The following LIMK1 variants were observed in gnomAD, a reference collection of about 807,000 sequenced individuals.
LIMK1 encodes LIM motif-containing protein kinase.
Under a neutral mutation model 77.6 loss-of-function variants are expected in LIMK1, and 21 were observed. That is an observed-to-expected ratio of 0.27 (90% CI 0.19 to 0.39). LIMK1 has a LOEUF of 0.39. Ranked by LOEUF, LIMK1 falls within the 10% of genes least tolerant of loss-of-function variation. The pLI is 1.00. For synonymous variants in LIMK1, 358 were observed against 370.0 expected (o/e 0.97, Z 0.37); for missense variants, 696 against 901.6 (o/e 0.77, Z 2.92).
Position 74,096,664 on chromosome 7 carries a change from G to A in LIMK1, c.195G>A (p.Glu65=). 6.2e-7 allele frequency: 1 copy of A among 1,614,130 alleles called. No homozygotes were observed. Among genetic ancestry groups the A allele is most frequent in the Non-Finnish European group, 8.5e-7 (1 of 1,180,042 alleles). The change falls in exon 3 of 16, where the codon GAG becomes GAA. Residue 65 remains glutamate (E), a synonymous_variant. Transcript: ENST00000336180. ...CSASLSHQYY[E]KDGQLFCKKD... is the part of the protein sequence containing the mutation. ...CCTCCCTGTCGCACCAGTACTATGA[G>A]AAGGATGGGCAGCTCTTCTGCAAGA... is the stretch of plus-strand genomic sequence containing the variant.
At chr7:74,101,879 C>T (rs1450439896) in intron 5 of LIMK1, among the ~76,000 whole-genome samples, 2 of 151,988 alleles carry the variant, frequency 1.3e-5, no homozygotes, top group African/African-American at 4.8e-5. Flanking sequence ...GGCTGGAGTG[C>T]AGTGGCACAA....
Position 74,086,542 on chromosome 7 carries a change from GTAAAGAC to G in LIMK1, c.152+699_152+705del, listed in dbSNP as rs1289395128. ...GCTCAGCTAATTTTTTAAATTTTGT[GTAAAGAC>G]AGGGTCTCACTATTGAGACCCAGGC... is the stretch of plus-strand genomic sequence containing the variant. On this transcript the variant is annotated intron_variant, in intron 2 of 15. Coordinates refer to ENST00000336180, the MANE Select transcript of LIMK1 (RefSeq NM_002314.4). Among the ~76,000 whole-genome samples the G allele has an allele frequency of 2.6e-5, 4 of 151,992 alleles. No individual in the cohort carries two copies. In the East Asian group the frequency reaches 7.7e-4, roughly 29 times the overall value.
chr7:74,115,963 G>A lies in LIMK1; in HGVS notation c.1567+5G>A, dbSNP rs1799800500. On this transcript the variant is annotated splice_donor_5th_base_variant and intron_variant, in intron 13 of 15. Transcript: ENST00000336180. ...TGGCACCTGAGATGATCAACGGTGA[G>A]TGGTTCAGCCCTGCCCATCATGGCC... is the stretch of plus-strand genomic sequence containing the variant. The A allele has an allele frequency of 1.2e-6, 2 of 1,613,430 alleles. No individual in the cohort carries two copies. The highest frequency in any genetic ancestry group is 1.6e-4 in the Middle Eastern group (1 of 6,080).
intron 4 of LIMK1, among the ~76,000 whole-genome samples, chr7:74,098,303 C>G (rs899951316): frequency 6.6e-5 from 10 of 152,174 alleles, no homozygotes; most frequent in Admixed American, 3.3e-4. Context: ...TAGAGTCTCC[C>G]TCCCAGGAAT....
In LIMK1 at chr7:74,100,579, G is replaced by A. The variant is rs560271005; in HGVS notation, c.608+1341G>A. Among the ~76,000 whole-genome samples the A allele has an allele frequency of 7.9e-5, 12 of 151,590 alleles. No individual in the cohort carries two copies. The South Asian group carries it at 2.1e-3, about 26-fold the overall frequency. ...CTGGGACTACAGGTGACCACATGTG[G>A]CTAATTTTTGTATTTTTAGTAAAGA... On this transcript the variant is annotated intron_variant, in intron 5 of 15. Transcript: ENST00000336180.
intron 12 of LIMK1, 128 bp downstream of exon 12, chr7:74,112,126 G>A: frequency 4.0e-6 from 3 of 755,576 alleles, no homozygotes; most frequent in Middle Eastern, 2.4e-4. Context: ...TTGAGGTGGG[G>A]GTGGGGGGCA....
rs782768296 is a variant in LIMK1, at chr7:74,097,197, C to T, written c.401+8C>T. 3 of 1,578,844 alleles carry T rather than the reference C, an allele frequency of 1.9e-6. No homozygotes were observed. The highest frequency in any genetic ancestry group is 2.7e-5 in the African/African-American group (2 of 74,000). ...GCACTCCAAGCTGTACTGGTGAGTG[C>T]CTTGGCCCCTCCCTGAGCCTAGGAG... On this transcript the variant is annotated splice_region_variant and intron_variant, in intron 4 of 15. Coordinates refer to ENST00000336180, the MANE Select transcript of LIMK1 (RefSeq NM_002314.4).
Position 74,106,997 on chromosome 7 carries a change from G to A in LIMK1, c.882-13G>A. 3 of 1,562,890 alleles carry A rather than the reference G, an allele frequency of 1.9e-6. No homozygotes were observed. Among genetic ancestry groups the A allele is most frequent in the South Asian group, 1.2e-5 (1 of 84,408 alleles). On this transcript the variant is annotated splice_polypyrimidine_tract_variant and intron_variant, in intron 7 of 15. Transcript: ENST00000336180. ...GTCCCCCGGTGGCACTTGGCACCAT[G>A]TGTGCCCCCCAGGAGGAGCTGCAGC...
intron 2 of LIMK1, among the ~76,000 whole-genome samples, chr7:74,092,765 G>A (rs1563912605): frequency 6.6e-6 from 1 of 152,192 alleles, no homozygotes; most frequent in Non-Finnish European, 1.5e-5. Flanking sequence ...GCGGCGGGAT[G>A]CAACCTCCCT....
intron 9 of LIMK1, 95 bp from the exon 10 acceptor site, chr7:74,108,810 C>A: frequency 6.5e-7 from 1 of 1,531,990 alleles, no homozygotes; most frequent in Non-Finnish European, 8.8e-7. Flanking sequence ...TTTGAGACCG[C>A]CTACAGCCCC....
At chr7:74,112,360 A>G (rs782643172) in intron 12 of LIMK1, among the ~76,000 whole-genome samples, 1 of 152,132 alleles carries the variant, frequency 6.6e-6, no homozygotes, top group Non-Finnish European at 1.5e-5. Context: ...AGACAGCACC[A>G]GCATCTGGGG....
At position 74,111,997 on chromosome 7, in the gene LIMK1, A is replaced by G; in HGVS notation, c.1409A>G (p.Glu470Gly). The change falls in exon 12 of 16, where the codon GAG becomes GGG. Residue 470 changes from glutamate to glycine, a missense_variant and splice_region_variant. By Grantham distance (98) the Glu-to-Gly change is moderately conservative. Transcript: ENST00000336180. ...AACTCCCACAACTGCCTGGTCCGCGAGGTGAGTACCAGGGCCCCACGTGGC... is the reference window on the plus strand; with the variant it reads ...AACTCCCACAACTGCCTGGTCCGCGGGGTGAGTACCAGGGCCCCACGTGGC... ...DLNSHNCLVR[E>G]NKNVVVADFG... is the part of the protein sequence containing the mutation. 6.2e-7 allele frequency: 1 copy of G among 1,606,428 alleles called. No homozygotes were observed. The highest frequency in any genetic ancestry group is 8.5e-7 in the Non-Finnish European group (1 of 1,176,248).
chr7:74,099,184 C>A lies in LIMK1; in HGVS notation c.554C>A (p.Pro185Gln), dbSNP rs782786185. Reference protein sequence around the residue: ...KRGLSVSIDPPHGPPGCGTEH... With the variant: ...KRGLSVSIDPQHGPPGCGTEH... ...GGACTTTCAGTCTCCATTGACCCCC[C>A]GCACGGCCCACCGGGCTGTGGCACC... Residue 185 changes from proline (P) to glutamine (Q), a missense_variant, in exon 5 of 16, where the codon CCG becomes CAG. Transcript: ENST00000336180. The A allele has an allele frequency of 1.2e-6, 2 of 1,611,958 alleles. No homozygotes were observed. Among genetic ancestry groups the A allele is most frequent in the Middle Eastern group, 1.6e-4 (1 of 6,062 alleles).
intron 2 of LIMK1, among the ~76,000 whole-genome samples, chr7:74,088,543 G>A (rs1011359642): frequency 2.6e-5 from 4 of 152,054 alleles, no homozygotes; most frequent in East Asian, 1.9e-4. Context: ...GCTCATCCCC[G>A]TAATCCCAGC....
In LIMK1 at chr7:74,111,633, C is replaced by A. The variant is rs782712791; in HGVS notation, c.1285-15C>A. 16 of 1,610,058 alleles carry A rather than the reference C, an allele frequency of 9.9e-6. No homozygotes were observed. The highest frequency in any genetic ancestry group is 1.4e-5 in the Non-Finnish European group (16 of 1,178,200). On this transcript the variant is annotated splice_polypyrimidine_tract_variant and intron_variant, in intron 10 of 15. Transcript: ENST00000336180. ...CCCCACCGGCCCCACCCTGGCCATT[C>A]TTTCTCCATCCCAGGACAGCCAGTA...
At chr7:74,097,952 G>C (rs1799369506) in intron 4 of LIMK1, among the ~76,000 whole-genome samples, 1 of 152,186 alleles carries the variant, frequency 6.6e-6, no homozygotes, top group South Asian at 2.1e-4. Context: ...TTTTATCCCA[G>C]TTTTATTATG....
chr7:74,098,142 G>GC (rs1450123360), intron 4 of LIMK1, among the ~76,000 whole-genome samples: 6 of 152,076 alleles, frequency 3.9e-5, no homozygotes, highest in African/African-American at 1.4e-4. Flanking sequence ...TTAGTCTCTA[G>GC]CCCCCGTTCT....
intron 1 of LIMK1, 106 bp from the exon 2 acceptor site, chr7:74,085,642 G>A (rs572916119): frequency 1.2e-5 from 10 of 867,946 alleles, no homozygotes; most frequent in East Asian, 8.0e-5. Context: ...TGCAGTGTGC[G>A]AGGATTGGTG....
intron 5 of LIMK1, among the ~76,000 whole-genome samples, chr7:74,101,701 T>C (rs1799460768): frequency 6.6e-6 from 1 of 152,152 alleles, no homozygotes; most frequent in African/African-American, 2.4e-5. Flanking sequence ...ATTTTGTGTA[T>C]AGCAGCGTTT....
Sources: gnomAD v4.1 joint callset for allele counts (sites outside exome capture counted in the v4.1 genomes callset) on GRCh38, gnomAD v4.1.1 for gene constraint, MANE v1.5 for transcripts, NCBI Gene and HGNC (gene_info 2026-07-23, HGNC 2026-07-21) for gene names.